SMG5: variants seen among roughly 807,000 people sequenced by gnomAD.
SMG5 encodes nonsense-mediated mRNA decay factor SMG5.
SMG5 carries 53 observed loss-of-function variants against 122.9 expected under a neutral mutation model. That is an observed-to-expected ratio of 0.43 (90% CI 0.35 to 0.54). SMG5 has a LOEUF of 0.54. Ranked by LOEUF, SMG5 falls within the 20% of genes least tolerant of loss-of-function variation. The pLI is 0.01. For synonymous variants in SMG5, 477 were observed against 490.2 expected, an observed-to-expected ratio of 0.97 and a Z score of 0.35; for missense variants, 1,153 against 1,285.6, an observed-to-expected ratio of 0.90 and a Z score of 1.58.
chr1:156,281,932 G>A (rs1002842704), intron 1 of SMG5, among the ~76,000 whole-genome samples: 5 of 152,150 alleles, frequency 3.3e-5, no homozygotes, highest in African/African-American at 9.7e-5. Flanking sequence ...TGCCTGGCAA[G>A]AGACTACAGT....
intron 16 of SMG5, among the ~76,000 whole-genome samples, chr1:156,254,907 T>A (rs986533277): frequency 3.3e-5 from 5 of 150,678 alleles, no homozygotes; most frequent in African/African-American, 1.2e-4. Flanking sequence ...CTGGCCAACA[T>A]GGCAAAACCC....
At position 156,268,364 on chromosome 1, in the gene SMG5, C is replaced by T. The variant is rs772411372; in HGVS notation, c.765G>A (p.Leu255=). The T allele has an allele frequency of 9.9e-6, 16 of 1,614,202 alleles. No homozygotes were observed. The highest frequency in any genetic ancestry group is 1.4e-5 in the Non-Finnish European group (16 of 1,180,034). The change falls in exon 8 of 22, where the codon CTG becomes CTA. Residue 255 remains leucine, a synonymous_variant. Coordinates refer to ENST00000361813, the MANE Select transcript of SMG5 (RefSeq NM_015327.3). Reference sequence around the variant, plus strand: ...GGTACATTTTGGCTGCCTTGTCATACAGCCGCTTGAGGTTCCCATAGGCTC... The same window carrying T: ...GGTACATTTTGGCTGCCTTGTCATATAGCCGCTTGAGGTTCCCATAGGCTC... The part of the protein sequence containing the change: ...FEGAYGNLKR[L]YDKAAKMYHQ...
intron 17 of SMG5, 91 bp downstream of exon 17, chr1:156,253,358 G>T: frequency 7.6e-7 from 1 of 1,312,570 alleles, no homozygotes; most frequent in South Asian, 1.2e-5. Context: ...ACAGAGCAGG[G>T]GGACTACAGC....
intron 4 of SMG5, 76 bp from the exon 5 acceptor site, chr1:156,274,762 G>C (rs1662605424): frequency 8.3e-7 from 1 of 1,206,864 alleles, no homozygotes; most frequent in East Asian, 2.4e-5. Flanking sequence ...ACCCCTCCGA[G>C]ATGTAGAGAC....
chr1:156,273,429 G>C lies in SMG5; in HGVS notation c.566C>G (p.Ala189Gly). Residue 189 changes from alanine (A) to glycine (G), a missense_variant, in exon 6 of 22, where the codon GCT becomes GGT. Transcript: ENST00000361813. ...GGCTAGCAGCTCGGTATCTACGCCA[G>C]CTAATTCATTCTGATATCGGGCTGC... Reference protein sequence around the residue: ...GDLSRYQNELAGVDTELLAER... With the variant: ...GDLSRYQNELGGVDTELLAER... The C allele has an allele frequency of 6.2e-7, 1 of 1,614,028 alleles. No individual in the cohort carries two copies.
At chr1:156,251,117 C>T in intron 20 of SMG5, 121 bp from the exon 21 acceptor site, 2 of 1,358,180 alleles carry the variant, frequency 1.5e-6, no homozygotes, top group Non-Finnish European at 2.0e-6. Context: ...AGCAGTGGGC[C>T]CTGGAAGCTG....
In SMG5 at chr1:156,277,247, G is replaced by T; in HGVS notation, c.298-6C>A. The T allele has an allele frequency of 6.2e-7, 1 of 1,611,990 alleles. No homozygotes were observed. The highest frequency in any genetic ancestry group is 8.5e-7 in the Non-Finnish European group (1 of 1,179,432). ...GTGCTCCGGCTGTGGATGTGCTACA[G>T]ATTGCGAAAGGGAAGGGGCTGGTTA... On this transcript the variant is annotated splice_region_variant and splice_polypyrimidine_tract_variant and intron_variant, in intron 3 of 21. Transcript: ENST00000361813.
At chr1:156,268,509 G>GGC in intron 7 of SMG5, 94 bp from the exon 8 acceptor site, 2 of 1,511,322 alleles carry the variant, frequency 1.3e-6, no homozygotes, top group Admixed American at 2.0e-5. Context: ...AGTAAATACA[G>GGC]GCTGCTCCCA....
chr1:156,273,260 G>A, intron 6 of SMG5, 101 bp downstream of exon 6: 1 of 891,606 alleles, frequency 1.1e-6, no homozygotes, highest in Non-Finnish European at 1.9e-6. Flanking sequence ...GAATGAAGAG[G>A]AGCTGGGGAA....
chr1:156,270,998 A>C (rs1343776806), intron 7 of SMG5, among the ~76,000 whole-genome samples: 1 of 150,692 alleles, frequency 6.6e-6, no homozygotes, highest in African/African-American at 2.4e-5. Flanking sequence ...CAAGAGTGAA[A>C]CTCCATCTCA....
chr1:156,272,778 G>A (rs1406014079), intron 6 of SMG5, among the ~76,000 whole-genome samples: 2 of 151,940 alleles, frequency 1.3e-5, no homozygotes, highest in African/African-American at 4.8e-5. Context: ...AGGTTTCACC[G>A]TGGTCTCAAT....
rs199588931 is a variant in SMG5 at position 156,276,482 on chromosome 1, TC to T, written c.454+602del. 6.6e-3 allele frequency among the ~76,000 whole-genome samples: 1,002 copies of T among 152,248 alleles called. 11 individuals are homozygous for T. The highest frequency in any genetic ancestry group is 0.01 in the Non-Finnish European group (697 of 68,016). ...GCTCTGCTTCTGATCACAGAATTCC[TC>T]CATGTGGTGACAAGGACACAACCTC... On this transcript the variant is annotated intron_variant, in intron 4 of 21. Coordinates refer to ENST00000361813, the MANE Select transcript of SMG5 (RefSeq NM_015327.3).
chr1:156,286,007 G>T, upstream of SMG5: 1 of 1,579,932 alleles, frequency 6.3e-7, no homozygotes, highest in African/African-American at 1.3e-5. Flanking sequence ...AAGAAAGGGG[G>T]CATCGGGAAG....
upstream of SMG5, chr1:156,285,949 CTGCGGGGTCTT>C (rs1245629147): frequency 2.5e-6 from 4 of 1,611,170 alleles, no homozygotes; most frequent in Admixed American, 1.7e-5. Context: ...ACACACTGCG[CTGCGGGGTCTT>C]TGCCACCTTC....
rs772528167 is a variant in SMG5, at chr1:156,263,572, T to TG, written c.1856-3dup. 26 of 1,611,222 alleles carry TG rather than the reference T, an allele frequency of 1.6e-5. No individual in the cohort carries two copies. The highest frequency in any genetic ancestry group is 1.3e-4 in the East Asian group (6 of 44,768). On this transcript the variant is annotated splice_region_variant and splice_polypyrimidine_tract_variant and intron_variant, in intron 12 of 21. Coordinates refer to ENST00000361813, the MANE Select transcript of SMG5 (RefSeq NM_015327.3). The stretch of plus-strand genomic sequence containing the variant: ...CCGACTCAGAGCCCTCCTCAGAGGC[T>TG]GGGGGGTGGGTGAATGGAAGAGAAA...
intron 4 of SMG5, 88 bp downstream of exon 4, chr1:156,276,997 G>T: frequency 2.2e-6 from 3 of 1,353,374 alleles, no homozygotes; most frequent in South Asian, 1.4e-5. Flanking sequence ...CTGCCTGGCT[G>T]GGTCGCAAGC....
At chr1:156,276,036 G>A (rs1421447678) in intron 4 of SMG5, among the ~76,000 whole-genome samples, 1 of 151,438 alleles carries the variant, frequency 6.6e-6, no homozygotes, top group African/African-American at 2.4e-5. Context: ...GGCTGGTCCT[G>A]AATTCCTGGC....
rs1385121603 is a variant in SMG5 at position 156,282,562 on chromosome 1, C to T, written c.74+45G>A. ...CGGGAGGCCCCGCCCCTCGCCGTCT[C>T]CCCACTTCCCTCGGTGGCTGCTCTC... is the stretch of plus-strand genomic sequence containing the variant. On this transcript the variant is annotated intron_variant, in intron 1 of 21. Transcript: ENST00000361813. 4.5e-6 allele frequency: 7 copies of T among 1,569,960 alleles called. No individual in the cohort carries two copies. The African/African-American group carries it at 9.4e-5, about 21-fold the overall frequency.
rs1330414871 is a variant in SMG5 at position 156,249,546 on chromosome 1, G to C, written c.*1041C>G. ...CCATTCACTGCCCTGAGCTATTCAT[G>C]ATCTCTGCTCCCAGATATTCACCTC... On this transcript the variant is annotated 3_prime_UTR_variant, in exon 22 of 22. Coordinates refer to ENST00000361813, the MANE Select transcript of SMG5 (RefSeq NM_015327.3). 2.7e-6 allele frequency: 1 copy of C among 368,120 alleles called. No individual in the cohort carries two copies. The highest frequency in any genetic ancestry group is 5.5e-6 in the Non-Finnish European group (1 of 182,086). The allele number at this position is 368,120 out of a possible 1,614,324, so 22.8% of individuals were successfully genotyped here. A position where few individuals can be genotyped will look rare whatever the true frequency, so the allele number is the denominator to read the frequency against.
Sources: gnomAD v4.1 joint callset for allele counts (sites outside exome capture counted in the v4.1 genomes callset) on GRCh38, gnomAD v4.1.1 for gene constraint, MANE v1.5 for transcripts, NCBI Gene and HGNC (gene_info 2026-07-23, HGNC 2026-07-21) for gene names.